The following ST14 variants were observed in gnomAD, a reference collection of about 807,000 sequenced individuals.
ST14 encodes the protein suppressor of tumorigenicity 14 protein.
A neutral mutation model predicts 96.5 loss-of-function variants in ST14; 40 were observed. That is an observed-to-expected ratio of 0.41 (90% CI 0.32 to 0.54). The LOEUF (loss-of-function observed/expected upper bound fraction) is 0.54, where lower values mean the gene tolerates loss of function less well. Among genes scored for constraint, ST14 ranks in the 20% least tolerant of loss-of-function variants. The probability of loss-of-function intolerance (pLI) is 0.17; values close to 1 mark genes in which losing one functional copy is unlikely to be tolerated. For missense variants in ST14, 1,066 were observed against 1,188.9 expected (o/e 0.90, Z 1.52); for synonymous variants, 506 against 492.1 (o/e 1.03, Z -0.37).
At chr11:130,175,565 G>C (rs957848182) in intron 1 of ST14, among the ~76,000 whole-genome samples, 1 of 151,640 alleles carries the variant, frequency 6.6e-6, no homozygotes, top group Non-Finnish European at 1.5e-5. Context: ...ATTTTTAGTA[G>C]AGACGGGGTT....
At chr11:130,201,442 G>T (rs115415797) in intron 16 of ST14, among the ~76,000 whole-genome samples, 2,080 of 152,372 alleles carry the variant, frequency 0.014, 50 homozygotes, top group African/African-American at 0.044. Flanking sequence ...GCCCACAGCA[G>T]GAGGGAGGCC....
At chr11:130,179,157 T>C (rs1047056960) in intron 1 of ST14, among the ~76,000 whole-genome samples, 2 of 152,180 alleles carry the variant, frequency 1.3e-5, no homozygotes, top group Admixed American at 6.5e-5. Context: ...AAGAATGACC[T>C]GGAGCACTTG....
chr11:130,178,509 G>A (rs1481001929), intron 1 of ST14, among the ~76,000 whole-genome samples: 1 of 141,750 alleles, frequency 7.1e-6, no homozygotes, highest in East Asian at 2.1e-4. Flanking sequence ...GTTGGGACGG[G>A]ACTTGAAACC....
chr11:130,191,031 A>G (rs1565624391), intron 7 of ST14, among the ~76,000 whole-genome samples: 1 of 152,266 alleles, frequency 6.6e-6, no homozygotes, highest in Non-Finnish European at 1.5e-5. Context: ...GAAGGCCAAC[A>G]GATCAGGAGA....
chr11:130,197,382 A>C (rs1953378041), intron 11 of ST14, among the ~76,000 whole-genome samples: 1 of 152,254 alleles, frequency 6.6e-6, no homozygotes, highest in Non-Finnish European at 1.5e-5. Context: ...GAAACATTGA[A>C]ATATGGAAAA....
In ST14 at chr11:130,188,372, G is replaced by T; in HGVS notation, c.241+99G>T. 1 of 1,581,058 alleles carries T rather than the reference G, an allele frequency of 6.3e-7. No homozygotes were observed. Reference sequence around the variant, plus strand: ...CAGGGCCACCTACTGAGTACACGAGGATCTCTTGGCCTCTCTGGAACCCTG... The same window carrying T: ...CAGGGCCACCTACTGAGTACACGAGTATCTCTTGGCCTCTCTGGAACCCTG... On this transcript the variant is annotated intron_variant, in intron 2 of 18. Coordinates refer to ENST00000278742, the MANE Select transcript of ST14 (RefSeq NM_021978.4). This position sits in a 1 kb window ranked among gnomAD's most constrained non-coding sequence, Gnocchi z 5.4.
Position 130,189,018 on chromosome 11 carries a change from G to A in ST14, c.440+79G>A, listed in dbSNP as rs1220018844. ...GATCGGGGTACAGTGTGTGGGGCAG[G>A]AAGCGGGAGATGGTGCTGGAGGTCC... is the stretch of plus-strand genomic sequence containing the variant. On this transcript the variant is annotated intron_variant, in intron 4 of 18. Transcript: ENST00000278742. 6 of 1,460,590 alleles carry A rather than the reference G, an allele frequency of 4.1e-6. No homozygotes were observed. The African/African-American group carries it at 5.6e-5, about 14-fold the overall frequency. 90.5% of individuals were successfully genotyped at this position (1,460,590 alleles called of 1,614,324 possible). A position where few individuals can be genotyped will look rare whatever the true frequency, so the allele number is the denominator to read the frequency against.
Position 130,189,866 on chromosome 11 carries a change from T to C in ST14, c.568T>C (p.Ser190Pro). 2 of 1,613,778 alleles carry C rather than the reference T, an allele frequency of 1.2e-6. No homozygotes were observed. The highest frequency in any genetic ancestry group is 1.1e-5 in the South Asian group (1 of 91,082). ...MLPPRARSLK[S>P]FVVTSVVAFP... ...GCCCCCGCGGGCGCGCTCCCTGAAG[T>C]CCTTTGTGGTCACCTCAGTGGTGGC... is the stretch of plus-strand genomic sequence containing the variant. The change falls in exon 5 of 19, where the codon TCC becomes CCC. Residue 190 changes from serine to proline, a missense_variant. Transcript: ENST00000278742.
At position 130,199,057 on chromosome 11, in the gene ST14, GAGA is replaced by G. The variant is rs745368774; in HGVS notation, c.1798_1800del (p.Lys600del). On this transcript the variant is annotated inframe_deletion, in exon 15 of 19. Coordinates refer to ENST00000278742, the MANE Select transcript of ST14 (RefSeq NM_021978.4). ...GGAGGACTGTAGCGACGGCTCAGAT[GAGA>G]AGGACTGCGGTGAGCAGGGCATCCG... The G allele has an allele frequency of 9.3e-6, 15 of 1,613,626 alleles. No homozygotes were observed. In the Admixed American group the frequency reaches 1.2e-4, roughly 13 times the overall value.
At chr11:130,194,827 T>A in intron 9 of ST14, 90 bp downstream of exon 9, 2 of 1,343,302 alleles carry the variant, frequency 1.5e-6, no homozygotes, top group South Asian at 2.4e-5. Context: ...TGTGGATGTG[T>A]GTGCATGTGT....
At chr11:130,208,332 C>G in intron 16 of ST14, 78 bp from the exon 17 acceptor site, 1 of 1,603,290 alleles carries the variant, frequency 6.2e-7, no homozygotes, top group Non-Finnish European at 8.5e-7. Context: ...GCGGAATCCT[C>G]TGGGAACGCG....
intron 1 of ST14, among the ~76,000 whole-genome samples, chr11:130,183,687 A>T (rs113139613): frequency 1.6e-4 from 25 of 152,336 alleles, no homozygotes; most frequent in African/African-American, 5.3e-4. Flanking sequence ...AGTATTTTAC[A>T]TCTTTCAGTG....
intron 1 of ST14, among the ~76,000 whole-genome samples, chr11:130,168,693 C>T (rs528732039): frequency 2.0e-5 from 3 of 152,284 alleles, no homozygotes; most frequent in Admixed American, 6.5e-5. Context: ...GTTCTCCCCT[C>T]GCTTGTATCC....
intron 1 of ST14, among the ~76,000 whole-genome samples, chr11:130,184,443 A>G (rs1953219800): frequency 6.6e-6 from 1 of 152,154 alleles, no homozygotes; most frequent in Non-Finnish European, 1.5e-5. Context: ...ATCACAATAC[A>G]ATCTGTTTGG....
chr11:130,163,435 A>G (rs575340942), intron 1 of ST14, among the ~76,000 whole-genome samples: 5 of 152,210 alleles, frequency 3.3e-5, no homozygotes, highest in Admixed American at 6.5e-5. Flanking sequence ...TTTTTTAGAC[A>G]TGGGGGTCTT....
chr11:130,161,735 C>T (rs1237743022), intron 1 of ST14, among the ~76,000 whole-genome samples: 2 of 152,232 alleles, frequency 1.3e-5, no homozygotes, highest in Non-Finnish European at 2.9e-5. Context: ...CATTTTCATT[C>T]TCTTGGCTTG....
intron 4 of ST14, chr11:130,189,211 T>G (rs968912555): frequency 1.8e-6 from 1 of 563,646 alleles, no homozygotes; most frequent in Non-Finnish European, 3.2e-6. Context: ...GATTCTTTGT[T>G]GTTTTTCCAA....
intron 4 of ST14, chr11:130,189,235 G>A (rs1000724229): frequency 1.9e-6 from 1 of 539,362 alleles, no homozygotes; most frequent in Non-Finnish European, 3.4e-6. Context: ...TGGGTATGGG[G>A]GAGTTGGGGT....
intron 11 of ST14, among the ~76,000 whole-genome samples, chr11:130,197,260 G>A (rs1953376657): frequency 6.6e-6 from 1 of 152,238 alleles, no homozygotes; most frequent in South Asian, 2.1e-4. Context: ...ATGAACCAAC[G>A]CCTTTGATCT....
Sources: gnomAD v4.1 joint callset for allele counts (sites outside exome capture counted in the v4.1 genomes callset) on GRCh38, gnomAD v4.1.1 for gene constraint, Gnocchi (gnomAD v3.1) non-coding constraint, MANE v1.5 for transcripts, NCBI Gene and HGNC (gene_info 2026-07-23, HGNC 2026-07-21) for gene names.